SETDB2: variants seen among roughly 807,000 people sequenced by gnomAD.
SETDB2 encodes the protein histone-lysine N-methyltransferase SETDB2.
In SETDB2, 56 loss-of-function variants were observed where a neutral mutation model predicts 82.5. The observed-to-expected ratio is 0.68, with a 90% CI of 0.55 to 0.85. The LOEUF is 0.85. Ranked by LOEUF, SETDB2 falls within the 40% of genes least tolerant of loss-of-function variation. The pLI is 0.00. For missense variants in SETDB2, 677 were observed against 816.4 expected (o/e 0.83, Z 2.08); for synonymous variants, 272 against 284.9 (o/e 0.95, Z 0.46).
intron 4 of SETDB2, chr13:49,464,009 C>A: frequency 1.3e-6 from 1 of 760,058 alleles, no homozygotes; most frequent in Admixed American, 1.8e-5. Context: ...TCTTTAATTC[C>A]CTGCCTCACA....
chr13:49,490,792 C>A, intron 12 of SETDB2, 30 bp from the exon 13 acceptor site: 2 of 1,543,400 alleles, frequency 1.3e-6, no homozygotes, highest in Non-Finnish European at 1.8e-6. Context: ...TATGCTATTT[C>A]TAACCTTTGT....
At chr13:49,449,727 C>G (rs1337157516) in intron 1 of SETDB2, among the ~76,000 whole-genome samples, 1 of 152,182 alleles carries the variant, frequency 6.6e-6, no homozygotes, top group Non-Finnish European at 1.5e-5. Context: ...CCTTCCATCT[C>G]TCCTCCAGAA....
In SETDB2 at chr13:49,493,659, A is replaced by G. The variant is rs975890904; in HGVS notation, c.*1810A>G. On this transcript the variant is annotated 3_prime_UTR_variant, in exon 14 of 14. Transcript: ENST00000611815. ...GTTTTGAATCTCTGTGTGTTTGACAATGTCTTTATTTTACCCTTATACCTG... is the reference window on the plus strand; with the variant it reads ...GTTTTGAATCTCTGTGTGTTTGACAGTGTCTTTATTTTACCCTTATACCTG... The G allele has an allele frequency of 5.9e-5, 9 of 152,276 alleles. No homozygotes were observed. The highest frequency in any genetic ancestry group is 9.6e-5 in the African/African-American group (4 of 41,534). 9.4% of individuals were successfully genotyped at this position (152,276 alleles called of 1,614,324 possible). A position where few individuals can be genotyped will look rare whatever the true frequency, so the allele number is the denominator to read the frequency against.
Position 49,485,617 on chromosome 13 carries a change from T to A in SETDB2, c.1483-13T>A. On this transcript the variant is annotated splice_polypyrimidine_tract_variant and intron_variant, in intron 10 of 13. Coordinates refer to ENST00000611815, the MANE Select transcript of SETDB2 (RefSeq NM_001160308.3). ...GACCTGGAAAGTAAAGACATCTTCC[T>A]TGTTTTTTTAAGGAATTTGTTTCCT... The A allele has an allele frequency of 1.2e-6, 2 of 1,607,246 alleles. No homozygotes were observed. Among genetic ancestry groups the A allele is most frequent in the Non-Finnish European group, 1.7e-6 (2 of 1,176,302 alleles).
In SETDB2 at chr13:49,466,398, C is replaced by T. The variant is rs1400597548; in HGVS notation, c.209-1466C>T. ...CACAGTGAGCTTATGATCACATCAA[C>T]GTACTCCAGCCTGGGTGACAGAGCA... is the stretch of plus-strand genomic sequence containing the variant. On this transcript the variant is annotated intron_variant, in intron 4 of 13. Transcript: ENST00000611815. Among the ~76,000 whole-genome samples, 5 of 150,156 alleles carry T rather than the reference C, an allele frequency of 3.3e-5. No homozygotes were observed. In the East Asian group the frequency reaches 5.9e-4, roughly 18 times the overall value.
Position 49,488,600 on chromosome 13 carries a change from A to C in SETDB2, c.1887A>C (p.Thr629=). ...GGAATGTGTTTTTATTGGATGCCAC[A>C]AAAGAAGGAAATGTCGGCCGCTTCC... ...NKGNVFLLDA[T]KEGNVGRFLN... The change falls in exon 12 of 14, where the codon ACA becomes ACC. Residue 629 remains threonine, a synonymous_variant. Transcript: ENST00000611815. 1 of 1,601,178 alleles carries C rather than the reference A, an allele frequency of 6.2e-7. No individual in the cohort carries two copies. The highest frequency in any genetic ancestry group is 1.1e-5 in the South Asian group (1 of 88,680).
In SETDB2 at chr13:49,490,875, C is replaced by T. The variant is rs1365471884; in HGVS notation, c.1971C>T (p.Asn657=). The change falls in exon 13 of 14, where the codon AAC becomes AAT. Residue 657 remains asparagine (N), a synonymous_variant. Coordinates refer to ENST00000611815, the MANE Select transcript of SETDB2 (RefSeq NM_001160308.3). ...AGAATGTTTTTGTAGAAACACACAA[C>T]AGGAATTTTCCATTGGTGGCATTCT... ...LVQNVFVETH[N]RNFPLVAFFT... is the part of the protein sequence containing the mutation. 6.2e-7 allele frequency: 1 copy of T among 1,613,434 alleles called. No individual in the cohort carries two copies. The highest frequency in any genetic ancestry group is 8.5e-7 in the Non-Finnish European group (1 of 1,179,570).
intron 6 of SETDB2, 44 bp downstream of exon 6, chr13:49,477,083 A>G: frequency 2.0e-6 from 3 of 1,478,168 alleles, no homozygotes; most frequent in Non-Finnish European, 1.8e-6. Flanking sequence ...TTCTGAATGT[A>G]AGGACGCTTG....
intron 5 of SETDB2, among the ~76,000 whole-genome samples, chr13:49,473,314 C>T (rs1487926129): frequency 1.3e-5 from 2 of 152,056 alleles, no homozygotes; most frequent in African/African-American, 4.8e-5. Context: ...CTTTGGGAGG[C>T]CAAGGCAGGC....
At position 49,451,954 on chromosome 13, in the gene SETDB2, A is replaced by G. The variant is rs1566153980; in HGVS notation, c.16+45A>G. 3 of 1,438,018 alleles carry G rather than the reference A, an allele frequency of 2.1e-6. No homozygotes were observed. In the African/African-American group the frequency reaches 4.3e-5, roughly 21 times the overall value. 89.1% of individuals were successfully genotyped at this position (1,438,018 alleles called of 1,614,324 possible). ...GTTACACTTTATATCTAAAAGTATA[A>G]AAGTATATAGACAATGTAAGCTGAT... On this transcript the variant is annotated intron_variant, in intron 2 of 13. Coordinates refer to ENST00000611815, the MANE Select transcript of SETDB2 (RefSeq NM_001160308.3).
At chr13:49,483,702 C>A in intron 10 of SETDB2, 139 bp downstream of exon 10, 3 of 444,300 alleles carry the variant, frequency 6.8e-6, no homozygotes, top group Non-Finnish European at 4.0e-6. Context: ...AGTCACAGCT[C>A]ACTGCAGCCA....
chr13:49,471,838 T>C (rs1451927854), intron 5 of SETDB2, among the ~76,000 whole-genome samples: 1 of 150,892 alleles, frequency 6.6e-6, no homozygotes, highest in Non-Finnish European at 1.5e-5. Flanking sequence ...AGTAGGTTTC[T>C]TCTCTTCCCA....
At position 49,467,781 on chromosome 13, in the gene SETDB2, G is replaced by A. The variant is rs1293941883; in HGVS notation, c.209-83G>A. On this transcript the variant is annotated intron_variant, in intron 4 of 13. Coordinates refer to ENST00000611815, the MANE Select transcript of SETDB2 (RefSeq NM_001160308.3). ...TAGGGATCCATATGGGCAGACTCTAGTCAATGAACATATTACTTGGGTACT... is the reference window on the plus strand; with the variant it reads ...TAGGGATCCATATGGGCAGACTCTAATCAATGAACATATTACTTGGGTACT... The A allele has an allele frequency of 2.9e-5, 29 of 986,888 alleles. No individual in the cohort carries two copies. In the East Asian group the frequency reaches 3.3e-4, roughly 11 times the overall value. 61.1% of individuals were successfully genotyped at this position (986,888 alleles called of 1,614,324 possible). A position where few individuals can be genotyped will look rare whatever the true frequency, so the allele number is the denominator to read the frequency against.
At chr13:49,484,713 G>GAA (rs985445285) in intron 10 of SETDB2, among the ~76,000 whole-genome samples, 3 of 152,224 alleles carry the variant, frequency 2.0e-5, no homozygotes, top group Non-Finnish European at 2.9e-5. Context: ...TAGAAGCAGA[G>GAA]AAAGAGAAAA....
intron 9 of SETDB2, 102 bp from the exon 10 acceptor site, chr13:49,483,362 A>G: frequency 2.2e-6 from 1 of 454,830 alleles, no homozygotes; most frequent in East Asian, 3.8e-5. Flanking sequence ...TTAATTTATA[A>G]TAATTAAGGA....
intron 8 of SETDB2, 127 bp downstream of exon 8, chr13:49,481,243 C>A: frequency 1.3e-6 from 1 of 750,662 alleles, no homozygotes; most frequent in Non-Finnish European, 2.1e-6. Context: ...AGAGGAACAT[C>A]AGAGAAAGGC....
intron 5 of SETDB2, among the ~76,000 whole-genome samples, chr13:49,472,194 C>T (rs1179057946): frequency 6.6e-6 from 1 of 151,984 alleles, no homozygotes; most frequent in Non-Finnish European, 1.5e-5. Flanking sequence ...AAGAGGATGA[C>T]TAAAGAAGGG....
chr13:49,481,168 A>C, intron 8 of SETDB2, 52 bp downstream of exon 8: 1 of 1,553,456 alleles, frequency 6.4e-7, no homozygotes. Context: ...CCACTTTTCT[A>C]AATATCCATT....
chr13:49,484,405 G>A (rs1958550652), intron 10 of SETDB2, among the ~76,000 whole-genome samples: 1 of 152,120 alleles, frequency 6.6e-6, no homozygotes, highest in South Asian at 2.1e-4. Flanking sequence ...GAGTAGCTGG[G>A]ATTACAGGTG....
Sources: allele counts gnomAD v4.1 joint callset (sites outside exome capture counted in the v4.1 genomes callset), GRCh38; gene constraint gnomAD v4.1.1; transcripts MANE v1.5; gene names NCBI Gene and HGNC (gene_info 2026-07-23, HGNC 2026-07-21).